Variants in C8orf34 observed in about 807,000 individuals in gnomAD.
C8orf34 encodes uncharacterized protein C8orf34.
Under a neutral mutation model 68.3 loss-of-function variants are expected in C8orf34, and 65 were observed. The observed-to-expected ratio is 0.95, with a 90% CI of 0.78 to 1.17. C8orf34 has a LOEUF of 1.17. C8orf34 is among the 50% of genes most tolerant of loss of function. C8orf34 has a pLI of 0.00. For missense variants in C8orf34, 664 were observed against 655.4 expected, an observed-to-expected ratio of 1.01 and a Z score of -0.14; for synonymous variants, 244 against 241.2, an observed-to-expected ratio of 1.01 and a Z score of -0.11.
chr8:68,687,534 T>C (rs1820556716), intron 8 of C8orf34, among the ~76,000 whole-genome samples: 1 of 152,010 alleles, frequency 6.6e-6, no homozygotes, highest in Non-Finnish European at 1.5e-5. Flanking sequence ...ATTCAAAAAA[T>C]GGTGCTGGGA....
Position 68,719,033 on chromosome 8 carries a change from T to C in C8orf34, c.1328-2328T>C, listed in dbSNP as rs1436035622. 3.9e-5 allele frequency among the ~76,000 whole-genome samples: 6 copies of C among 152,260 alleles called. No homozygotes were observed. The East Asian group carries it at 1.2e-3, about 29-fold the overall frequency. On this transcript the variant is annotated intron_variant, in intron 9 of 13. Transcript: ENST00000518698. The stretch of plus-strand genomic sequence containing the variant: ...AAATCATATATAAAAGAAATTGCTC[T>C]GGAATAGACAGAGCAAAATAGCTTG...
chr8:68,385,386 C>A (rs1281711232), intron 1 of C8orf34, among the ~76,000 whole-genome samples: 1 of 152,150 alleles, frequency 6.6e-6, no homozygotes, highest in Non-Finnish European at 1.5e-5. Context: ...TGCCTAAACA[C>A]TGGAAACAGG....
intron 6 of C8orf34, among the ~76,000 whole-genome samples, chr8:68,527,427 C>G (rs1181690267): frequency 6.6e-6 from 1 of 152,076 alleles, no homozygotes; most frequent in Non-Finnish European, 1.5e-5. Flanking sequence ...AAAAAATTAG[C>G]CGGGCGTGGT....
At chr8:68,675,828 G>C (rs1285801237) in intron 8 of C8orf34, among the ~76,000 whole-genome samples, 2 of 152,098 alleles carry the variant, frequency 1.3e-5, no homozygotes, top group African/African-American at 4.8e-5. Context: ...TACAAACTCA[G>C]TGATGTATTG....
At chr8:68,389,017 G>A (rs1014577659) in intron 1 of C8orf34, among the ~76,000 whole-genome samples, 8 of 152,094 alleles carry the variant, frequency 5.3e-5, no homozygotes, top group African/African-American at 1.9e-4. Flanking sequence ...GCAAAAATAT[G>A]GATTACAAGG....
intron 10 of C8orf34, among the ~76,000 whole-genome samples, chr8:68,734,109 A>G (rs573670127): frequency 2.6e-5 from 4 of 152,150 alleles, no homozygotes; most frequent in Non-Finnish European, 4.4e-5. Flanking sequence ...AGATCACCTA[A>G]TCGAAGAAGA....
At chr8:68,362,296 T>A (rs1207297880) in intron 1 of C8orf34, among the ~76,000 whole-genome samples, 1 of 152,216 alleles carries the variant, frequency 6.6e-6, no homozygotes, top group Non-Finnish European at 1.5e-5. Flanking sequence ...CTCATAGAGT[T>A]TATACACATT....
intron 7 of C8orf34, among the ~76,000 whole-genome samples, chr8:68,623,280 G>A (rs1181432914): frequency 6.6e-6 from 1 of 152,168 alleles, no homozygotes; most frequent in Non-Finnish European, 1.5e-5. Flanking sequence ...GTACCTGCCT[G>A]TAATGCAATA....
intron 1 of C8orf34, among the ~76,000 whole-genome samples, chr8:68,397,059 T>A (rs145928063): frequency 2.9e-4 from 44 of 152,156 alleles, no homozygotes; most frequent in Non-Finnish European, 4.6e-4. Context: ...CAGGCTGGAG[T>A]GCAGTGGCAC....
chr8:68,482,537 A>T (rs1350506593), intron 4 of C8orf34, among the ~76,000 whole-genome samples: 1 of 152,166 alleles, frequency 6.6e-6, no homozygotes, highest in Non-Finnish European at 1.5e-5. Context: ...GGCTTCCCAA[A>T]GTGTTAAGAT....
chr8:68,788,361 T>C (rs993614561), intron 12 of C8orf34, among the ~76,000 whole-genome samples: 1 of 152,144 alleles, frequency 6.6e-6, no homozygotes, highest in African/African-American at 2.4e-5. Flanking sequence ...TAAAAGCCAT[T>C]TTAAAATGTT....
At chr8:68,814,522 C>A (rs1824750218) in intron 12 of C8orf34, among the ~76,000 whole-genome samples, 2 of 152,172 alleles carry the variant, frequency 1.3e-5, no homozygotes, top group South Asian at 2.1e-4. Context: ...CCATATACAA[C>A]CTCCACCTTC....
chr8:68,568,108 C>A (rs544903936), intron 7 of C8orf34, among the ~76,000 whole-genome samples: 46 of 152,166 alleles, frequency 3.0e-4, no homozygotes, highest in Non-Finnish European at 6.0e-4. Context: ...GTTAAGTTCA[C>A]CATCTTATAT....
At chr8:68,521,689 A>G (rs1814760690) in intron 5 of C8orf34, 110 bp from the exon 6 acceptor site, 1 of 933,982 alleles carries the variant, frequency 1.1e-6, no homozygotes, top group African/African-American at 1.7e-5. Flanking sequence ...GTATCAATTC[A>G]GAAAGACAAA....
chr8:68,464,955 C>A (rs1287778030), intron 3 of C8orf34, among the ~76,000 whole-genome samples: 7 of 151,116 alleles, frequency 4.6e-5, no homozygotes, highest in Non-Finnish European at 1.0e-4. Context: ...CAAATGGGAT[C>A]TAATTAAACT....
chr8:68,419,983 A>T (rs1210567266), intron 1 of C8orf34, among the ~76,000 whole-genome samples: 2 of 143,912 alleles, frequency 1.4e-5, no homozygotes, highest in Admixed American at 1.4e-4. Context: ...TATAATAATA[A>T]AAAAAAAAAA....
At chr8:68,424,655 C>T (rs1810128712) in intron 1 of C8orf34, among the ~76,000 whole-genome samples, 1 of 152,124 alleles carries the variant, frequency 6.6e-6, no homozygotes, top group South Asian at 2.1e-4. Context: ...AATCCCAGCA[C>T]TCTGGGAGGC....
intron 7 of C8orf34, among the ~76,000 whole-genome samples, chr8:68,548,525 A>T (rs921775336): frequency 4.0e-5 from 6 of 151,818 alleles, no homozygotes; most frequent in Admixed American, 3.3e-4. Flanking sequence ...AAAGATTCTC[A>T]ACACTAAATG....
At chr8:68,354,500 C>A (rs1806660936) in intron 1 of C8orf34, among the ~76,000 whole-genome samples, 1 of 152,020 alleles carries the variant, frequency 6.6e-6, no homozygotes, top group African/African-American at 2.4e-5. Context: ...ACCCACAGCA[C>A]CCAGCTGAGA....
Sources: allele counts gnomAD v4.1 joint callset (sites outside exome capture counted in the v4.1 genomes callset), GRCh38; gene constraint gnomAD v4.1.1; transcripts MANE v1.5; gene names NCBI Gene and HGNC (gene_info 2026-07-23, HGNC 2026-07-21).